The following LRMDA variants were observed in gnomAD, a reference collection of about 807,000 sequenced individuals.
The protein encoded by LRMDA is leucine-rich melanocyte differentiation-associated protein.
Under a neutral mutation model 29.8 loss-of-function variants are expected in LRMDA, and 18 were observed. That is an observed-to-expected ratio of 0.60 (90% CI 0.42 to 0.90). LRMDA has a LOEUF of 0.90. LRMDA is among the 40% of genes least tolerant of loss of function. The pLI is 0.00. For synonymous variants in LRMDA, 125 were observed against 109.4 expected (o/e 1.14, Z -0.89); for missense variants, 273 against 273.9 (o/e 1.00, Z 0.02).
intron 2 of LRMDA, among the ~76,000 whole-genome samples, chr10:75,716,856 C>G (rs1272134905): frequency 1.3e-5 from 2 of 152,190 alleles, no homozygotes; most frequent in African/African-American, 2.4e-5. Flanking sequence ...CTTGGTGGAA[C>G]AGGCTGATGG....
intron 2 of LRMDA, among the ~76,000 whole-genome samples, chr10:75,830,467 T>C (rs1279817341): frequency 6.6e-6 from 1 of 152,168 alleles, no homozygotes; most frequent in Non-Finnish European, 1.5e-5. Context: ...TACAGTTCCA[T>C]GTTGCTGGGG....
chr10:75,940,062 C>G (rs953465685), intron 2 of LRMDA, among the ~76,000 whole-genome samples: 1 of 152,084 alleles, frequency 6.6e-6, no homozygotes, highest in Non-Finnish European at 1.5e-5. Flanking sequence ...CAGGATTCCA[C>G]GACCCAGTCA....
At chr10:76,227,552 T>C (rs1851982810) in intron 5 of LRMDA, among the ~76,000 whole-genome samples, 1 of 152,188 alleles carries the variant, frequency 6.6e-6, no homozygotes, top group African/African-American at 2.4e-5. Context: ...CCCAAGGCCC[T>C]GATAGTTTTA....
At chr10:75,743,673 T>C (rs1842857454) in intron 2 of LRMDA, 1 of 152,186 alleles carries the variant, frequency 6.6e-6, no homozygotes, top group Admixed American at 6.5e-5. Flanking sequence ...AATATTGTAA[T>C]GCAAGAAGGA....
intron 2 of LRMDA, among the ~76,000 whole-genome samples, chr10:75,602,653 T>C (rs1840902033): frequency 6.6e-6 from 1 of 152,204 alleles, no homozygotes; most frequent in Admixed American, 6.5e-5. Context: ...AGATGTTGTC[T>C]TTCAGATGAC....
chr10:76,239,609 A>G (rs1015579172), intron 5 of LRMDA, among the ~76,000 whole-genome samples: 5 of 148,736 alleles, frequency 3.4e-5, no homozygotes, highest in African/African-American at 9.9e-5. Context: ...CTCTCTCTCT[A>G]TTATGCATTG....
chr10:75,722,540 T>C (rs1410225281), intron 2 of LRMDA, among the ~76,000 whole-genome samples: 1 of 152,126 alleles, frequency 6.6e-6, no homozygotes, highest in Non-Finnish European at 1.5e-5. Flanking sequence ...GGGCACCAAG[T>C]CCAGGGCTAA....
intron 2 of LRMDA, among the ~76,000 whole-genome samples, chr10:75,577,768 A>G (rs980762336): frequency 1.3e-5 from 2 of 152,204 alleles, no homozygotes; most frequent in African/African-American, 4.8e-5. Context: ...TCAACCTAGA[A>G]TTTCATATCC....
In LRMDA at chr10:75,649,000, A is replaced by G. The variant is rs540946391; in HGVS notation, c.131+210506A>G. On this transcript the variant is annotated intron_variant, in intron 2 of 6. Transcript: ENST00000611255. The stretch of plus-strand genomic sequence containing the variant: ...TAAACCACTTTAACCATTTTAAAGT[A>G]TACAGTTCAGTGGCATTAAGTACCT... Among the ~76,000 whole-genome samples, 44 of 152,366 alleles carry G rather than the reference A, an allele frequency of 2.9e-4. 1 individual carries two copies. The highest frequency in any genetic ancestry group is 1.0e-3 in the African/African-American group (43 of 41,586).
intron 2 of LRMDA, among the ~76,000 whole-genome samples, chr10:75,598,138 G>A (rs982121778): frequency 3.3e-5 from 5 of 152,194 alleles, no homozygotes; most frequent in African/African-American, 1.2e-4. Flanking sequence ...TTAAATGGCA[G>A]CAAATCATGC....
intron 2 of LRMDA, among the ~76,000 whole-genome samples, chr10:75,481,637 A>G (rs888229733): frequency 6.6e-5 from 10 of 152,116 alleles, no homozygotes; most frequent in African/African-American, 2.2e-4. Flanking sequence ...CCTCAGAGAG[A>G]GATCTTTTGG....
chr10:76,006,579 T>A (rs563021311), intron 2 of LRMDA, among the ~76,000 whole-genome samples: 1 of 152,346 alleles, frequency 6.6e-6, no homozygotes, highest in Admixed American at 6.5e-5. Flanking sequence ...AATAATCATC[T>A]GTCTACAACC....
chr10:76,138,895 G>T (rs1221510291), intron 5 of LRMDA, among the ~76,000 whole-genome samples: 1 of 152,054 alleles, frequency 6.6e-6, no homozygotes, highest in Non-Finnish European at 1.5e-5. Context: ...AATAATTTTG[G>T]CTTTACATCA....
intron 2 of LRMDA, among the ~76,000 whole-genome samples, chr10:75,771,769 G>A (rs927509724): frequency 6.6e-6 from 1 of 152,136 alleles, no homozygotes; most frequent in African/African-American, 2.4e-5. Context: ...TCAGACAGAG[G>A]TGGGGGGGTT....
chr10:76,433,563 G>A (rs1219172460), intron 6 of LRMDA, among the ~76,000 whole-genome samples: 1 of 152,128 alleles, frequency 6.6e-6, no homozygotes, highest in East Asian at 1.9e-4. Flanking sequence ...GTCACTTTGT[G>A]GCTGCCAAGC....
At chr10:75,886,281 G>A (rs907601699) in intron 2 of LRMDA, among the ~76,000 whole-genome samples, 1 of 152,222 alleles carries the variant, frequency 6.6e-6, no homozygotes, top group Non-Finnish European at 1.5e-5. Flanking sequence ...TGCTGGATTT[G>A]TTTGGCTGAA....
intron 5 of LRMDA, among the ~76,000 whole-genome samples, chr10:76,109,046 A>G (rs1227017854): frequency 1.3e-5 from 2 of 152,164 alleles, no homozygotes; most frequent in African/African-American, 2.4e-5. Flanking sequence ...CCTCACTCAC[A>G]TGCCCCACAG....
intron 2 of LRMDA, among the ~76,000 whole-genome samples, chr10:75,859,679 A>G (rs771616754): frequency 1.3e-5 from 2 of 151,164 alleles, no homozygotes; most frequent in Non-Finnish European, 2.9e-5. Context: ...ATACATTGCA[A>G]TTATTTTCTT....
At chr10:76,447,404 G>C (rs963262319) in intron 6 of LRMDA, among the ~76,000 whole-genome samples, 2 of 151,928 alleles carry the variant, frequency 1.3e-5, no homozygotes, top group Non-Finnish European at 2.9e-5. Flanking sequence ...TATCTTCTTG[G>C]TTCTGTTTTT....
Sources: allele counts gnomAD v4.1 joint callset (sites outside exome capture counted in the v4.1 genomes callset), GRCh38; gene constraint gnomAD v4.1.1; transcripts MANE v1.5; gene names NCBI Gene and HGNC (gene_info 2026-07-23, HGNC 2026-07-21).